NDC1: variants seen among roughly 807,000 people sequenced by gnomAD.
NDC1 encodes the protein NDC1 transmembrane nucleoporin, also known as nucleoporin NDC1.
NDC1 carries 24 observed loss-of-function variants against 89.8 expected under a neutral mutation model. That is an observed-to-expected ratio of 0.27 (90% CI 0.19 to 0.38). The LOEUF (loss-of-function observed/expected upper bound fraction) is 0.38, where lower values mean the gene tolerates loss of function less well. Ranked by LOEUF, NDC1 falls within the 10% of genes least tolerant of loss-of-function variation. The pLI, the probability that NDC1 is intolerant of heterozygous loss-of-function variation, is 1.00. For synonymous variants in NDC1, 296 were observed against 284.8 expected (o/e 1.04, Z -0.39); for missense variants, 728 against 797.6 (o/e 0.91, Z 1.05).
chr1:53,817,087 CT>C (rs1648507545), intron 6 of NDC1, among the ~76,000 whole-genome samples: 1 of 152,246 alleles, frequency 6.6e-6, no homozygotes, highest in African/African-American at 2.4e-5. Context: ...GTGGAGATTC[CT>C]TAAAGAACTA....
intron 7 of NDC1, among the ~76,000 whole-genome samples, 171 bp downstream of exon 7, chr1:53,809,524 C>A (rs1648231383): frequency 6.6e-6 from 1 of 152,034 alleles, no homozygotes; most frequent in South Asian, 2.1e-4. Flanking sequence ...GCTAATTTTA[C>A]CCTTTTATAC....
At chr1:53,778,599 G>GA (rs148642793) in intron 16 of NDC1, among the ~76,000 whole-genome samples, 2,259 of 130,752 alleles carry the variant, frequency 0.017, 32 homozygotes, top group Non-Finnish European at 0.027. Context: ...TATTAAAAAA[G>GA]AAAAAAAAAA....
intron 5 of NDC1, among the ~76,000 whole-genome samples, 199 bp downstream of exon 5, chr1:53,825,599 G>C (rs1010343793): frequency 6.6e-6 from 1 of 152,186 alleles, no homozygotes; most frequent in African/African-American, 2.4e-5. Context: ...ACAGGAAAAG[G>C]TAGCTGCAAC....
chr1:53,769,960 C>T (rs1396973234), intron 17 of NDC1, among the ~76,000 whole-genome samples: 2 of 152,172 alleles, frequency 1.3e-5, no homozygotes, highest in African/African-American at 4.8e-5. Flanking sequence ...GGGTGAATTA[C>T]TTAAAACACT....
intron 16 of NDC1, among the ~76,000 whole-genome samples, chr1:53,779,071 G>A (rs530759785): frequency 1.3e-4 from 18 of 143,908 alleles, no homozygotes; most frequent in East Asian, 1.2e-3. Context: ...TAAGCCCAGC[G>A]TGTGAAGTTG....
intron 6 of NDC1, 117 bp downstream of exon 6, chr1:53,818,854 G>T: frequency 1.8e-6 from 1 of 563,256 alleles, no homozygotes; most frequent in South Asian, 2.7e-5. Context: ...TGAATCAGTT[G>T]AGCTAATCAC....
At chr1:53,798,317 G>A (rs1045904532) in intron 11 of NDC1, among the ~76,000 whole-genome samples, 4 of 150,768 alleles carry the variant, frequency 2.7e-5, no homozygotes, top group African/African-American at 4.9e-5. Context: ...TAACAGGCAT[G>A]CACAACCACA....
intron 5 of NDC1, among the ~76,000 whole-genome samples, chr1:53,822,111 A>C (rs1200953588): frequency 6.6e-6 from 1 of 152,230 alleles, no homozygotes; most frequent in Non-Finnish European, 1.5e-5. Context: ...AAGTTTAAAG[A>C]AAAAACTAAT....
intron 9 of NDC1, among the ~76,000 whole-genome samples, chr1:53,806,073 C>CAAAAAAAAAAAAAAAAAAAA (rs879796373): frequency 2.0e-4 from 27 of 135,862 alleles, no homozygotes; most frequent in African/African-American, 7.1e-4. Context: ...GACTCCGTCT[C>CAAAAAAAAAAAAAAAAAAAA]AAAAAAAAAA....
intron 5 of NDC1, among the ~76,000 whole-genome samples, chr1:53,822,453 A>C (rs966932579): frequency 6.6e-6 from 1 of 152,162 alleles, no homozygotes; most frequent in Non-Finnish European, 1.5e-5. Flanking sequence ...ATAGGTACAT[A>C]CATGTAAATG....
chr1:53,785,118 C>G (rs1049057940), intron 16 of NDC1, among the ~76,000 whole-genome samples: 2 of 152,156 alleles, frequency 1.3e-5, no homozygotes, highest in Non-Finnish European at 2.9e-5. Context: ...CTAAGCCTCC[C>G]TCATCTATTA....
intron 10 of NDC1, 36 bp downstream of exon 10, chr1:53,803,892 C>G: frequency 6.7e-7 from 1 of 1,487,862 alleles, no homozygotes; most frequent in South Asian, 1.1e-5. Context: ...TTTCTACACA[C>G]ATATGCCTAA....
rs916557358 is a variant in NDC1 at position 53,766,191 on chromosome 1, A to G, written c.*1779T>C. 4 of 152,178 alleles carry G rather than the reference A, an allele frequency of 2.6e-5. No homozygotes were observed. Among genetic ancestry groups the G allele is most frequent in the African/African-American group, 9.7e-5 (4 of 41,438 alleles). 9.4% of individuals were successfully genotyped at this position (152,178 alleles called of 1,614,324 possible). A position where few individuals can be genotyped will look rare whatever the true frequency, so the allele number is the denominator to read the frequency against. On this transcript the variant is annotated 3_prime_UTR_variant, in exon 18 of 18. Coordinates refer to ENST00000371429, the MANE Select transcript of NDC1 (RefSeq NM_018087.5). ...TGGCAAAAACCTAACCTAGCTGGAC[A>G]TTTTATACAAGTAAGTCAAAGTTCA...
In NDC1 at chr1:53,791,847, T is replaced by C. The variant is rs188199920; in HGVS notation, c.1635+1382A>G. Among the ~76,000 whole-genome samples, 9 of 152,256 alleles carry C rather than the reference T, an allele frequency of 5.9e-5. No homozygotes were observed. In the East Asian group the frequency reaches 1.2e-3, roughly 20 times the overall value. On this transcript the variant is annotated intron_variant, in intron 14 of 17. Coordinates refer to ENST00000371429, the MANE Select transcript of NDC1 (RefSeq NM_018087.5). ...TCTGTAAAATGAGGATAAAAAGACA[T>C]ATCTCACAGGAATGCTGTTAGAATT...
chr1:53,782,852 C>T (rs1276417446), intron 16 of NDC1, among the ~76,000 whole-genome samples: 3 of 152,182 alleles, frequency 2.0e-5, no homozygotes, highest in African/African-American at 4.8e-5. Flanking sequence ...TTCATCTTAT[C>T]CCTACCTCAA....
At chr1:53,834,752 T>C (rs1194595834) in intron 2 of NDC1, among the ~76,000 whole-genome samples, 1 of 152,164 alleles carries the variant, frequency 6.6e-6, no homozygotes, top group East Asian at 1.9e-4. Flanking sequence ...TGGGTAGTTA[T>C]TAACAGAAAA....
At chr1:53,831,173 C>T (rs759030635) in intron 3 of NDC1, among the ~76,000 whole-genome samples, 16 of 149,662 alleles carry the variant, frequency 1.1e-4, no homozygotes, top group Non-Finnish European at 2.1e-4. Flanking sequence ...TGCAGTGAGC[C>T]GAAATCGCGC....
rs75618015 is a variant in NDC1 at position 53,792,743 on chromosome 1, C to T, written c.1635+486G>A. ...AGCTTCTACAACTGAGATTTACTCT[C>T]CTGTGGCAGCTGGAACAGCTGATAC... On this transcript the variant is annotated intron_variant, in intron 14 of 17. Coordinates refer to ENST00000371429, the MANE Select transcript of NDC1 (RefSeq NM_018087.5). Among the ~76,000 whole-genome samples the T allele has an allele frequency of 6.7e-3, 1,020 of 152,338 alleles. 5 individuals are homozygous for T. Among genetic ancestry groups the T allele is most frequent in the African/African-American group, 0.022 (918 of 41,580 alleles).
intron 10 of NDC1, among the ~76,000 whole-genome samples, chr1:53,802,751 AG>A (rs762572223): frequency 1.1e-4 from 17 of 152,198 alleles, no homozygotes; most frequent in Non-Finnish European, 2.2e-4. Flanking sequence ...TTTTCCCTCT[AG>A]GAACAACAGA....
Sources: allele counts gnomAD v4.1 joint callset (sites outside exome capture counted in the v4.1 genomes callset), GRCh38; gene constraint gnomAD v4.1.1; transcripts MANE v1.5; gene names NCBI Gene and HGNC (gene_info 2026-07-23, HGNC 2026-07-21).